Variants in CNTNAP5 observed in about 807,000 individuals in gnomAD.
The protein encoded by CNTNAP5 is contactin-associated protein-like 5.
In CNTNAP5, 72 loss-of-function variants were observed where a neutral mutation model predicts 150.2. That is an observed-to-expected ratio of 0.48 (90% CI 0.40 to 0.58). The LOEUF (loss-of-function observed/expected upper bound fraction) is 0.58, where lower values mean the gene tolerates loss of function less well. CNTNAP5 is among the 20% of genes least tolerant of loss of function. CNTNAP5 has a pLI of 0.00. For synonymous variants in CNTNAP5, 672 were observed against 619.8 expected, an observed-to-expected ratio of 1.08 and a Z score of -1.25; for missense variants, 1,636 against 1,626.2, an observed-to-expected ratio of 1.01 and a Z score of -0.10.
intron 19 of CNTNAP5, among the ~76,000 whole-genome samples, chr2:124,836,327 C>T (rs1007060646): frequency 1.3e-5 from 2 of 152,070 alleles, no homozygotes; most frequent in Non-Finnish European, 2.9e-5. Flanking sequence ...TATGTTAGGA[C>T]AGATATTGAT....
chr2:124,356,695 C>G (rs1028140668), intron 3 of CNTNAP5, among the ~76,000 whole-genome samples: 14 of 151,990 alleles, frequency 9.2e-5, no homozygotes, highest in Non-Finnish European at 1.9e-4. Context: ...TTTTCTTAAT[C>G]CAGCCTATCA....
chr2:124,706,901 A>AGGAAGAGGAGGAAGAAGG, intron 13 of CNTNAP5, among the ~76,000 whole-genome samples: 4 of 7,940 alleles, frequency 5.0e-4, no homozygotes, highest in Non-Finnish European at 9.1e-4. Flanking sequence ...GAGGAAGAAG[A>AGGAAGAGGAGGAAGAAGG]AGGAGGAGGA....
chr2:124,244,169 G>A (rs1372091118), intron 3 of CNTNAP5, among the ~76,000 whole-genome samples: 2 of 151,990 alleles, frequency 1.3e-5, no homozygotes, highest in South Asian at 2.1e-4. Flanking sequence ...GATGTATTTC[G>A]AGGGATGACA....
intron 3 of CNTNAP5, among the ~76,000 whole-genome samples, chr2:124,368,753 G>A (rs1690440519): frequency 6.6e-6 from 1 of 151,972 alleles, no homozygotes; most frequent in Admixed American, 6.6e-5. Context: ...GGGGGTGGGA[G>A]GCCTGGTTTG....
intron 11 of CNTNAP5, among the ~76,000 whole-genome samples, chr2:124,592,864 T>C (rs1056855711): frequency 6.6e-6 from 1 of 152,062 alleles, no homozygotes; most frequent in African/African-American, 2.4e-5. Context: ...TAGTGCTTTG[T>C]GATGCAAATT....
intron 2 of CNTNAP5, among the ~76,000 whole-genome samples, chr2:124,230,641 C>T (rs1686592361): frequency 1.3e-5 from 2 of 151,852 alleles, no homozygotes; most frequent in African/African-American, 4.8e-5. Flanking sequence ...AAGCAATTCT[C>T]CTGTCTCAGC....
intron 13 of CNTNAP5, among the ~76,000 whole-genome samples, chr2:124,730,110 T>G (rs556470342): frequency 6.6e-6 from 1 of 152,168 alleles, no homozygotes; most frequent in South Asian, 2.1e-4. Context: ...CAAAATGACT[T>G]CTTGAAAAAT....
intron 1 of CNTNAP5, among the ~76,000 whole-genome samples, chr2:124,035,370 G>A (rs1027378384): frequency 8.1e-5 from 12 of 148,782 alleles, no homozygotes; most frequent in Non-Finnish European, 1.0e-4. Context: ...CTTTCCTCTC[G>A]TCTCTCTTCC....
chr2:124,632,990 G>T (rs1241567556), intron 12 of CNTNAP5, among the ~76,000 whole-genome samples: 1 of 151,994 alleles, frequency 6.6e-6, no homozygotes, highest in African/African-American at 2.4e-5. Context: ...TAGGAGAATG[G>T]TGCTATTTAA....
chr2:124,305,912 C>T (rs1174411404), intron 3 of CNTNAP5, among the ~76,000 whole-genome samples: 1 of 152,156 alleles, frequency 6.6e-6, no homozygotes, highest in African/African-American at 2.4e-5. Flanking sequence ...TTGCCTGTGT[C>T]CCTTATGGCA....
chr2:124,116,960 A>G (rs1488546864), intron 1 of CNTNAP5, among the ~76,000 whole-genome samples: 1 of 152,224 alleles, frequency 6.6e-6, no homozygotes, highest in East Asian at 1.9e-4. Flanking sequence ...AATTTTAAGC[A>G]CAGATATCTG....
intron 19 of CNTNAP5, among the ~76,000 whole-genome samples, chr2:124,862,686 C>A (rs577959245): frequency 6.6e-6 from 1 of 152,176 alleles, no homozygotes; most frequent in Non-Finnish European, 1.5e-5. Flanking sequence ...CTGAAGAAGA[C>A]GCTCAGGGAG....
chr2:124,618,220 T>C (rs1677530284), intron 12 of CNTNAP5, among the ~76,000 whole-genome samples: 2 of 151,974 alleles, frequency 1.3e-5, no homozygotes, highest in South Asian at 4.1e-4. Context: ...TTATCATAGA[T>C]AGCTCTTCAG....
At chr2:124,679,675 C>A (rs9677815) in intron 13 of CNTNAP5, among the ~76,000 whole-genome samples, 36,091 of 151,328 alleles carry the variant, frequency 0.24, 4,938 homozygotes, top group African/African-American at 0.37. Flanking sequence ...CTCAAGTTAT[C>A]CTCCCACCTC....
intron 13 of CNTNAP5, among the ~76,000 whole-genome samples, chr2:124,690,356 T>G (rs1273759123): frequency 6.6e-6 from 1 of 152,050 alleles, no homozygotes; most frequent in Non-Finnish European, 1.5e-5. Context: ...TCTAAACCAG[T>G]CTCCAGAAGC....
At chr2:124,532,593 G>T (rs1573441060) in intron 10 of CNTNAP5, among the ~76,000 whole-genome samples, 1 of 152,186 alleles carries the variant, frequency 6.6e-6, no homozygotes, top group African/African-American at 2.4e-5. Context: ...GGTGTCTGAG[G>T]TGGGGAGAAG....
At chr2:124,366,448 A>C (rs1158629897) in intron 3 of CNTNAP5, among the ~76,000 whole-genome samples, 1 of 152,232 alleles carries the variant, frequency 6.6e-6, no homozygotes, top group Non-Finnish European at 1.5e-5. Context: ...TGAAATTCCT[A>C]GCCCAAGACT....
chr2:124,053,058 G>A (rs1681751983), intron 1 of CNTNAP5, among the ~76,000 whole-genome samples: 1 of 127,740 alleles, frequency 7.8e-6, no homozygotes, highest in South Asian at 2.4e-4. Context: ...CTTGATCACT[G>A]AACCAGCCAC....
rs1217990460 is a variant in CNTNAP5, at chr2:124,917,432, T to C, written c.*3144T>C. 1.3e-5 allele frequency among the ~76,000 whole-genome samples: 2 copies of C among 152,136 alleles called. No homozygotes were observed. The highest frequency in any genetic ancestry group is 6.6e-5 in the Admixed American group (1 of 15,258). Reference sequence around the variant, plus strand: ...CATATATAGCCTCAATTGCCATCTTTATGAAAATTTGTCTGGAGAAATAGA... The same window carrying C: ...CATATATAGCCTCAATTGCCATCTTCATGAAAATTTGTCTGGAGAAATAGA... On this transcript the variant is annotated 3_prime_UTR_variant, in exon 24 of 24. Transcript: ENST00000682447.
Sources: allele counts gnomAD v4.1 joint callset (sites outside exome capture counted in the v4.1 genomes callset), GRCh38; gene constraint gnomAD v4.1.1; transcripts MANE v1.5; gene names NCBI Gene and HGNC (gene_info 2026-07-23, HGNC 2026-07-21).